The following PALLD variants were observed in gnomAD, a reference collection of about 807,000 sequenced individuals.
PALLD encodes palladin.
A neutral mutation model predicts 123.5 loss-of-function variants in PALLD; 61 were observed. The observed-to-expected ratio is 0.49, with a 90% CI of 0.40 to 0.61. The LOEUF (loss-of-function observed/expected upper bound fraction) is 0.61. PALLD is among the 20% of genes least tolerant of loss of function. PALLD has a pLI of 0.00. For synonymous variants in PALLD, 465 were observed against 496.4 expected, an observed-to-expected ratio of 0.94 and a Z score of 0.84; for missense variants, 1,273 against 1,377.0, an observed-to-expected ratio of 0.92 and a Z score of 1.20.
rs142983185 is a variant in PALLD at position 168,639,833 on chromosome 4, C to A, written c.909-28357C>A. The stretch of plus-strand genomic sequence containing the variant: ...TGCTGGGATTATAGGCGTGAGCCAC[C>A]GTGCCCGGCCTGCCACTCAACTTTA... On this transcript the variant is annotated intron_variant, in intron 2 of 21. Transcript: ENST00000505667. Among the ~76,000 whole-genome samples the A allele has an allele frequency of 1.7e-3, 258 of 152,292 alleles. 1 individual carries two copies. Among genetic ancestry groups the A allele is most frequent in the African/African-American group, 6.1e-3 (255 of 41,574 alleles).
Position 168,512,203 on chromosome 4 carries a change from G to A in PALLD, c.699G>A (p.Glu233=). ...PMEDQGEMER[E]VKSPGARHCY... is the part of the protein sequence containing the mutation. ...AAGACCAAGGGGAGATGGAAAGAGA[G>A]GTCAAGTCCCCTGGGGCCAGGCATT... Residue 233 remains glutamate (E), a synonymous_variant, in exon 2 of 22, where the codon GAG becomes GAA. Coordinates refer to ENST00000505667, the MANE Select transcript of PALLD (RefSeq NM_001166108.2). 1 of 1,613,696 alleles carries A rather than the reference G, an allele frequency of 6.2e-7. No homozygotes were observed. Among genetic ancestry groups the A allele is most frequent in the Non-Finnish European group, 8.5e-7 (1 of 1,179,696 alleles).
At chr4:168,718,099 C>G (rs1785540977) in intron 10 of PALLD, among the ~76,000 whole-genome samples, 1 of 152,194 alleles carries the variant, frequency 6.6e-6, no homozygotes, top group Non-Finnish European at 1.5e-5. Context: ...CCTTCCTGTC[C>G]TGTTTATGTT....
intron 3 of PALLD, chr4:168,678,002 T>C (rs1580908272): frequency 6.6e-6 from 1 of 152,548 alleles, no homozygotes; most frequent in Non-Finnish European, 1.5e-5. Flanking sequence ...CAGACAAGCT[T>C]TACCACTTCC....
At chr4:168,915,827 G>C (rs888965486) in intron 16 of PALLD, 68 bp from the exon 17 acceptor site, 13 of 1,232,404 alleles carry the variant, frequency 1.1e-5, no homozygotes, top group African/African-American at 8.9e-5. Flanking sequence ...TAAGAAAACA[G>C]ATGACTAAAA....
intron 10 of PALLD, among the ~76,000 whole-genome samples, chr4:168,759,283 C>T (rs562247855): frequency 8.6e-5 from 12 of 140,160 alleles, no homozygotes; most frequent in Non-Finnish European, 1.2e-4. Flanking sequence ...CCCCACCAAT[C>T]TTACCCTTTC....
chr4:168,552,738 T>A (rs1766865940), intron 2 of PALLD, among the ~76,000 whole-genome samples: 1 of 152,150 alleles, frequency 6.6e-6, no homozygotes, highest in African/African-American at 2.4e-5. Flanking sequence ...TGCAGTGGCA[T>A]GATCTCAGCT....
intron 8 of PALLD, among the ~76,000 whole-genome samples, chr4:168,702,676 T>C (rs1001319641): frequency 6.6e-6 from 1 of 152,160 alleles, no homozygotes; most frequent in Admixed American, 6.5e-5. Context: ...TTCATTGATA[T>C]TGAGCCTGAA....
At position 168,680,481 on chromosome 4, in the gene PALLD, CAAAAAAAAA is replaced by C. The variant is rs571607157; in HGVS notation, c.1088-830_1088-822del. On this transcript the variant is annotated intron_variant, in intron 3 of 21. Coordinates refer to ENST00000505667, the MANE Select transcript of PALLD (RefSeq NM_001166108.2). ...TGGGTGACAGAGCAAGATTCCGTCT[CAAAAAAAAA>C]AAAAAAAAAAAAAAAAAAAACACTT... Among the ~76,000 whole-genome samples, 6 of 59,172 alleles carry C rather than the reference CAAAAAAAAA, an allele frequency of 1.0e-4. No individual in the cohort carries two copies. In the East Asian group the frequency reaches 1.7e-3, roughly 17 times the overall value. The allele number at this position is 59,172 out of a possible 152,430, so 38.8% of individuals were successfully genotyped here.
At chr4:168,840,925 A>C (rs1264330308) in intron 10 of PALLD, among the ~76,000 whole-genome samples, 3 of 151,986 alleles carry the variant, frequency 2.0e-5, no homozygotes, top group African/African-American at 7.3e-5. Flanking sequence ...ATCTCGGCTC[A>C]CTGCAACCTC....
At chr4:168,623,480 A>C (rs1379245723) in intron 2 of PALLD, among the ~76,000 whole-genome samples, 1 of 152,248 alleles carries the variant, frequency 6.6e-6, no homozygotes, top group African/African-American at 2.4e-5. Context: ...ATTCCCCTGA[A>C]GATGCAGGAC....
chr4:168,637,688 A>C (rs555580456), intron 2 of PALLD, among the ~76,000 whole-genome samples: 1 of 152,286 alleles, frequency 6.6e-6, no homozygotes, highest in South Asian at 2.1e-4. Context: ...TCACACCTGT[A>C]ATCCTAGCAC....
intron 10 of PALLD, among the ~76,000 whole-genome samples, chr4:168,788,938 C>G (rs1207903904): frequency 6.6e-6 from 1 of 151,698 alleles, no homozygotes; most frequent in African/African-American, 2.4e-5. Context: ...ACCTTGCCAC[C>G]CCAACTTCAT....
chr4:168,752,094 G>A (rs1052244854), intron 10 of PALLD, among the ~76,000 whole-genome samples: 1 of 152,204 alleles, frequency 6.6e-6, no homozygotes, highest in Non-Finnish European at 1.5e-5. Flanking sequence ...TCAATTTCTT[G>A]TAGGCTGGGT....
At chr4:168,644,855 C>A (rs1777286513) in intron 2 of PALLD, among the ~76,000 whole-genome samples, 1 of 152,082 alleles carries the variant, frequency 6.6e-6, no homozygotes. Context: ...ATAATCCCAG[C>A]ACTTTGGAAG....
intron 2 of PALLD, among the ~76,000 whole-genome samples, chr4:168,581,571 G>T (rs1208123800): frequency 5.3e-5 from 8 of 151,970 alleles, no homozygotes; most frequent in African/African-American, 1.9e-4. Context: ...CAAGTCCTTT[G>T]CCCATTTCTA....
At chr4:168,707,510 C>T (rs6843952) in intron 8 of PALLD, among the ~76,000 whole-genome samples, 23,557 of 152,128 alleles carry the variant, frequency 0.15, 2,441 homozygotes, top group East Asian at 0.34. Context: ...CCTTGTTCAC[C>T]TAAGGGTTCA....
intron 10 of PALLD, among the ~76,000 whole-genome samples, chr4:168,745,292 C>T (rs536601075): frequency 6.6e-6 from 1 of 152,192 alleles, no homozygotes; most frequent in East Asian, 1.9e-4. Flanking sequence ...ACCCAAGCCT[C>T]CTAGCTCAGC....
intron 2 of PALLD, among the ~76,000 whole-genome samples, chr4:168,528,740 T>C (rs150489559): frequency 5.7e-4 from 87 of 152,352 alleles, no homozygotes; most frequent in South Asian, 3.5e-3. Context: ...GCTTGACTTA[T>C]TTAATGGTAC....
At chr4:168,730,648 C>T (rs1015341873) in intron 10 of PALLD, among the ~76,000 whole-genome samples, 20 of 151,938 alleles carry the variant, frequency 1.3e-4, no homozygotes, top group African/African-American at 4.8e-4. Flanking sequence ...GGGCAAGACC[C>T]CCAAGTGCCA....
Sources: allele counts gnomAD v4.1 joint callset (sites outside exome capture counted in the v4.1 genomes callset), GRCh38; gene constraint gnomAD v4.1.1; transcripts MANE v1.5; gene names NCBI Gene and HGNC (gene_info 2026-07-23, HGNC 2026-07-21).